Variants in PEBP4 observed in about 807,000 individuals in gnomAD.
The protein encoded by PEBP4 is phosphatidylethanolamine-binding protein 4.
A neutral mutation model predicts 23.9 loss-of-function variants in PEBP4; 22 were observed. The observed-to-expected ratio is 0.92, with a 90% confidence interval of 0.66 to 1.31. The LOEUF is 1.31. Ranked by LOEUF, PEBP4 falls within the 40% of genes most tolerant of loss-of-function variation. The pLI, the probability that PEBP4 is intolerant of heterozygous loss-of-function variation, is 0.00. For missense variants in PEBP4, 324 were observed against 281.7 expected (o/e 1.15, Z -1.07); for synonymous variants, 112 against 99.3 (o/e 1.13, Z -0.76).
chr8:22,892,451 G>A (rs1411529283), intron 3 of PEBP4, among the ~76,000 whole-genome samples: 1 of 152,168 alleles, frequency 6.6e-6, no homozygotes, highest in South Asian at 2.1e-4. Flanking sequence ...ATTCCTGGTG[G>A]AATAATTCCT....
intron 6 of PEBP4, among the ~76,000 whole-genome samples, chr8:22,722,800 GTC>G (rs1313382483): frequency 1.3e-5 from 2 of 149,506 alleles, no homozygotes; most frequent in Non-Finnish European, 1.5e-5. Context: ...TTGAGACGGA[GTC>G]TCTCTCTGTC....
intron 3 of PEBP4, among the ~76,000 whole-genome samples, chr8:22,827,988 T>C (rs1294717017): frequency 1.3e-5 from 2 of 152,236 alleles, no homozygotes; most frequent in African/African-American, 4.8e-5. Context: ...TGAGTTCCTT[T>C]TCATGTCCTT....
chr8:22,908,056 T>C (rs1585337272), intron 3 of PEBP4, among the ~76,000 whole-genome samples: 1 of 150,890 alleles, frequency 6.6e-6, no homozygotes, highest in East Asian at 1.9e-4. Flanking sequence ...ATGTCCAGCC[T>C]GCACAGCTAG....
intron 2 of PEBP4, among the ~76,000 whole-genome samples, chr8:22,926,458 C>T (rs1234645218): frequency 1.3e-5 from 2 of 152,096 alleles, no homozygotes; most frequent in Non-Finnish European, 2.9e-5. Flanking sequence ...GATCCTCCCA[C>T]CTCAACCTCT....
At chr8:22,896,863 C>G (rs1484360341) in intron 3 of PEBP4, among the ~76,000 whole-genome samples, 1 of 151,432 alleles carries the variant, frequency 6.6e-6, no homozygotes, top group Non-Finnish European at 1.5e-5. Flanking sequence ...TTGATAGTTT[C>G]TCTCTCTCTT....
chr8:22,752,126 AACTC>A lies in PEBP4; in HGVS notation c.358-24910_358-24907del, dbSNP rs199908267. 4.1e-3 allele frequency among the ~76,000 whole-genome samples: 625 copies of A among 152,134 alleles called. 7 individuals carry two copies. The highest frequency in any genetic ancestry group is 0.015 in the African/African-American group (606 of 41,490). ...CTTGCTGTTTCCCAGGTTGGTCTCG[AACTC>A]ACTCCTGGCCTCAAGCAGTCCTCCC... On this transcript the variant is annotated intron_variant, in intron 4 of 6. Transcript: ENST00000256404.
intron 5 of PEBP4, 93 bp from the exon 6 acceptor site, chr8:22,725,049 G>A: frequency 2.0e-6 from 2 of 1,014,338 alleles, no homozygotes; most frequent in Non-Finnish European, 3.1e-6. Flanking sequence ...TGACCTCCCT[G>A]GGGCCCCAGA....
intron 4 of PEBP4, among the ~76,000 whole-genome samples, chr8:22,816,199 T>C (rs1226540799): frequency 6.6e-6 from 1 of 152,208 alleles, no homozygotes; most frequent in Non-Finnish European, 1.5e-5. Flanking sequence ...CCTTTGTGTG[T>C]TTATGGTGTT....
At chr8:22,800,596 T>G (rs1410772538) in intron 4 of PEBP4, among the ~76,000 whole-genome samples, 1 of 152,206 alleles carries the variant, frequency 6.6e-6, no homozygotes, top group Non-Finnish European at 1.5e-5. Flanking sequence ...AGGCTGTCTC[T>G]GTCTTCTCTC....
rs116900223 is a variant in PEBP4 at position 22,784,474 on chromosome 8, G to A, written c.357+33163C>T. On this transcript the variant is annotated intron_variant, in intron 4 of 6. Transcript: ENST00000256404. The stretch of plus-strand genomic sequence containing the variant: ...TGAGGCAATGGAGTAGCTGAGACAG[G>A]CCTCCTAGCCTTGAATTCTGGCCCT... 3.3e-3 allele frequency among the ~76,000 whole-genome samples: 499 copies of A among 152,346 alleles called. 10 individuals are homozygous for A. The East Asian group carries it at 0.047, about 14-fold the overall frequency.
intron 4 of PEBP4, among the ~76,000 whole-genome samples, chr8:22,731,154 T>C (rs1804722295): frequency 2.6e-5 from 4 of 152,236 alleles, no homozygotes; most frequent in African/African-American, 4.8e-5. Context: ...TGGGTTTGAT[T>C]TGTGTCCACC....
intron 4 of PEBP4, among the ~76,000 whole-genome samples, chr8:22,782,539 A>G (rs1439393106): frequency 6.6e-6 from 1 of 152,222 alleles, no homozygotes; most frequent in African/African-American, 2.4e-5. Flanking sequence ...AAAAAGTCAC[A>G]TCTGGGCACC....
intron 4 of PEBP4, among the ~76,000 whole-genome samples, chr8:22,798,101 G>A (rs990850844): frequency 4.6e-5 from 7 of 152,150 alleles, no homozygotes; most frequent in Non-Finnish European, 1.0e-4. Flanking sequence ...CATCAGGAAG[G>A]CATCCCGAAT....
At chr8:22,809,086 T>C (rs1466238572) in intron 4 of PEBP4, among the ~76,000 whole-genome samples, 3 of 152,162 alleles carry the variant, frequency 2.0e-5, no homozygotes, top group African/African-American at 4.8e-5. Context: ...AAGCTTCCTA[T>C]GGAGGATTGA....
chr8:22,880,955 T>G (rs1016988150), intron 3 of PEBP4, among the ~76,000 whole-genome samples: 1 of 152,222 alleles, frequency 6.6e-6, no homozygotes, highest in Non-Finnish European at 1.5e-5. Context: ...CCACCACCCT[T>G]CCTGCTCTGC....
At chr8:22,736,037 C>T (rs1346245785) in intron 4 of PEBP4, among the ~76,000 whole-genome samples, 1 of 152,174 alleles carries the variant, frequency 6.6e-6, no homozygotes, top group African/African-American at 2.4e-5. Flanking sequence ...CAGATGGCAG[C>T]TTCGAGCCCC....
chr8:22,727,808 A>T (rs1585238623), intron 4 of PEBP4, among the ~76,000 whole-genome samples: 1 of 152,086 alleles, frequency 6.6e-6, no homozygotes, highest in African/African-American at 2.4e-5. Context: ...TCAGCCCACA[A>T]CCCTGGGGCA....
intron 3 of PEBP4, among the ~76,000 whole-genome samples, chr8:22,919,391 A>T (rs887874483): frequency 1.3e-5 from 2 of 152,196 alleles, no homozygotes; most frequent in South Asian, 2.1e-4. Context: ...AGCAGAAAAG[A>T]GGCCAGTCTC....
Position 22,817,697 on chromosome 8 carries a change from G to A in PEBP4, c.297C>T (p.Ala99=), listed in dbSNP as rs1806773167. ...TCTGTCTGGGTTCTGCTCTGCTAGG[G>A]GCATCTGGATCCACCATCACCAGGA... is the stretch of plus-strand genomic sequence containing the variant. The part of the protein sequence containing the change: ...TYILVMVDPD[A]PSRAEPRQRF... Residue 99 remains alanine, a synonymous_variant, in exon 4 of 7, where the codon GCC becomes GCT. Coordinates refer to ENST00000256404, the MANE Select transcript of PEBP4 (RefSeq NM_144962.3). The A allele has an allele frequency of 2.5e-6, 4 of 1,614,066 alleles. No individual in the cohort carries two copies. The highest frequency in any genetic ancestry group is 3.4e-6 in the Non-Finnish European group (4 of 1,180,048).
Sources: allele counts gnomAD v4.1 joint callset (sites outside exome capture counted in the v4.1 genomes callset), GRCh38; gene constraint gnomAD v4.1.1; transcripts MANE v1.5; gene names NCBI Gene and HGNC (gene_info 2026-07-23, HGNC 2026-07-21).